NAA35: variants seen among roughly 807,000 people sequenced by gnomAD.
NAA35 encodes the protein N-alpha-acetyltransferase 35, NatC auxiliary subunit.
In NAA35, 18 loss-of-function variants were observed where a neutral mutation model predicts 101.7. The observed-to-expected ratio is 0.18, with a 90% CI of 0.12 to 0.26. NAA35 has a LOEUF of 0.26. NAA35 is among the 10% of genes least tolerant of loss of function. NAA35 has a pLI of 1.00. For missense variants in NAA35, 601 were observed against 886.8 expected (o/e 0.68, Z 4.09); for synonymous variants, 267 against 273.1 (o/e 0.98, Z 0.22).
At chr9:85,949,537 C>T (rs1439938008) in intron 2 of NAA35, among the ~76,000 whole-genome samples, 9 of 152,096 alleles carry the variant, frequency 5.9e-5, no homozygotes, top group Admixed American at 3.9e-4. Flanking sequence ...TTGTGATCCA[C>T]CCACCTCGGC....
At chr9:86,018,991 C>A (rs114734277) in intron 21 of NAA35, among the ~76,000 whole-genome samples, 170 bp downstream of exon 21, 144 of 152,258 alleles carry the variant, frequency 9.5e-4, no homozygotes, top group African/African-American at 3.3e-3. Flanking sequence ...CGTTGTCAGA[C>A]TTCAAGTTAT....
At chr9:85,966,660 G>A (rs961003756) in intron 6 of NAA35, 2 of 1,295,002 alleles carry the variant, frequency 1.5e-6, no homozygotes, top group Admixed American at 2.3e-5. Context: ...AATGTTCAAT[G>A]TTGGAAGGAA....
intron 17 of NAA35, among the ~76,000 whole-genome samples, chr9:86,015,051 A>G (rs1462093569): frequency 6.6e-6 from 1 of 152,142 alleles, no homozygotes; most frequent in Non-Finnish European, 1.5e-5. Context: ...GATGTGCACC[A>G]CTGCACCTGG....
At chr9:85,963,950 G>A (rs564845052) in intron 6 of NAA35, among the ~76,000 whole-genome samples, 7 of 152,154 alleles carry the variant, frequency 4.6e-5, no homozygotes, top group Non-Finnish European at 1.0e-4. Context: ...GCCTTTAAAT[G>A]TAAGGTGCTT....
At chr9:86,019,212 A>C (rs1193092474) in intron 21 of NAA35, among the ~76,000 whole-genome samples, 1 of 152,076 alleles carries the variant, frequency 6.6e-6, no homozygotes, top group South Asian at 2.1e-4. Flanking sequence ...TAATCTCAGC[A>C]CTTTGGGAGG....
chr9:85,960,773 G>A (rs1041707025), intron 5 of NAA35, among the ~76,000 whole-genome samples: 15 of 152,190 alleles, frequency 9.9e-5, no homozygotes, highest in Non-Finnish European at 1.9e-4. Flanking sequence ...ATGCTTTTAT[G>A]ACGGTGCCGT....
At chr9:85,976,173 T>G (rs1479383362) in intron 8 of NAA35, among the ~76,000 whole-genome samples, 1 of 152,218 alleles carries the variant, frequency 6.6e-6, no homozygotes, top group Non-Finnish European at 1.5e-5. Context: ...AACCCACAAC[T>G]TCTAGTAGAT....
chr9:86,021,437 C>A (rs978064832), intron 22 of NAA35, among the ~76,000 whole-genome samples: 1 of 152,160 alleles, frequency 6.6e-6, no homozygotes, highest in Non-Finnish European at 1.5e-5. Flanking sequence ...AGGCCAGCCG[C>A]GGAGGCACCG....
Position 85,959,978 on chromosome 9 carries a change from C to G in NAA35, c.348+111C>G, listed in dbSNP as rs902517931. 3.2e-5 allele frequency: 22 copies of G among 696,242 alleles called. No individual in the cohort carries two copies. In the African/African-American group the frequency reaches 3.6e-4, roughly 11 times the overall value. 43.1% of individuals were successfully genotyped at this position (696,242 alleles called of 1,614,324 possible). A position where few individuals can be genotyped will look rare whatever the true frequency, so the allele number is the denominator to read the frequency against. The stretch of plus-strand genomic sequence containing the variant: ...GAGTATGAAATAAATGTAATACTTG[C>G]CCTAGTAAAGATGTGCATAAGATTA... On this transcript the variant is annotated intron_variant, in intron 5 of 22. Coordinates refer to ENST00000361671, the MANE Select transcript of NAA35 (RefSeq NM_024635.4).
chr9:85,956,506 A>G, intron 3 of NAA35, 113 bp downstream of exon 3: 1 of 521,396 alleles, frequency 1.9e-6, no homozygotes, highest in South Asian at 3.9e-5. Context: ...CAAAATTGTG[A>G]AAATAAAACT....
At chr9:85,998,490 C>G (rs1342645262) in intron 12 of NAA35, among the ~76,000 whole-genome samples, 1 of 152,114 alleles carries the variant, frequency 6.6e-6, no homozygotes, top group Non-Finnish European at 1.5e-5. Context: ...TTGTATGCTT[C>G]CTTTCCCCTT....
rs1832026567 is a variant in NAA35, at chr9:86,013,062, T to C, written c.1307T>C (p.Ile436Thr). 4 of 1,584,166 alleles carry C rather than the reference T, an allele frequency of 2.5e-6. No individual in the cohort carries two copies. The highest frequency in any genetic ancestry group is 3.4e-6 in the Non-Finnish European group (4 of 1,160,024). ...GTATTGCAGCCATTCTGTAGTCTTATTCAGATCCATGGACATAACAGGGCT... is the reference window on the plus strand; with the variant it reads ...GTATTGCAGCCATTCTGTAGTCTTACTCAGATCCATGGACATAACAGGGCT... ...THCVRPFCSLIQIHGHNRARQ... is the reference protein window; with the variant it reads ...THCVRPFCSLTQIHGHNRARQ... Residue 436 changes from isoleucine to threonine, a missense_variant, in exon 16 of 23, where the codon ATT becomes ACT. Physicochemically the swap from Ile to Thr is moderately conservative, Grantham distance 89. Around this residue, in one of 8 missense-constraint regions of NAA35, gnomAD observed 99 missense variants for 206.7 expected, o/e 0.48. Coordinates refer to ENST00000361671, the MANE Select transcript of NAA35 (RefSeq NM_024635.4).
intron 12 of NAA35, 48 bp from the exon 13 acceptor site, chr9:86,003,537 T>G (rs747561488): frequency 8.6e-7 from 1 of 1,159,328 alleles, no homozygotes; most frequent in Non-Finnish European, 1.2e-6. Context: ...GTTTTTAGCT[T>G]TTATTTAATC....
Position 85,978,318 on chromosome 9 carries a change from C to T in NAA35, c.814C>T (p.Leu272Phe). The T allele has an allele frequency of 6.2e-7, 1 of 1,613,466 alleles. No homozygotes were observed. Among genetic ancestry groups the T allele is most frequent in the Non-Finnish European group, 8.5e-7 (1 of 1,179,540 alleles). The change falls in exon 11 of 23, where the codon CTT becomes TTT. Residue 272 changes from leucine to phenylalanine, a missense_variant. Coordinates refer to ENST00000361671, the MANE Select transcript of NAA35 (RefSeq NM_024635.4). ...QKLMVQAADL[L>F]SAIHNSLHHG... ...ATTGATGGTTCAAGCAGCAGATCTTCTTTCTGCCATTCATAATTCATTGCA... is the reference window on the plus strand; with the variant it reads ...ATTGATGGTTCAAGCAGCAGATCTTTTTTCTGCCATTCATAATTCATTGCA...
intron 6 of NAA35, among the ~76,000 whole-genome samples, chr9:85,962,507 A>AAAAAG (rs1333996610): frequency 1.3e-5 from 2 of 151,488 alleles, no homozygotes; most frequent in Non-Finnish European, 2.9e-5. Context: ...AAAAAAAAAA[A>AAAAAG]AAGAAAGAAA....
chr9:86,009,675 CAGAT>C (rs2118394861), intron 14 of NAA35, among the ~76,000 whole-genome samples, 186 bp from the exon 15 acceptor site: 1 of 152,244 alleles, frequency 6.6e-6, no homozygotes, highest in South Asian at 2.1e-4. Context: ...GGAAATATCA[CAGAT>C]TTATTGTGTG....
chr9:85,996,694 T>C (rs1196358957), intron 12 of NAA35, 117 bp downstream of exon 12: 18 of 711,274 alleles, frequency 2.5e-5, no homozygotes, highest in Non-Finnish European at 3.8e-5. Context: ...GATTGCTTTA[T>C]AGACATTGAC....
intron 6 of NAA35, among the ~76,000 whole-genome samples, chr9:85,965,507 A>G (rs530296640): frequency 6.6e-6 from 1 of 152,252 alleles, no homozygotes; most frequent in African/African-American, 2.4e-5. Context: ...GTGTGCCTGT[A>G]GTCTCAGCTA....
intron 10 of NAA35, among the ~76,000 whole-genome samples, chr9:85,977,664 A>C (rs1830270836): frequency 6.6e-6 from 1 of 152,198 alleles, no homozygotes; most frequent in Non-Finnish European, 1.5e-5. Context: ...AATACATTAG[A>C]AGCTGAAATT....
Sources: allele counts gnomAD v4.1 joint callset (sites outside exome capture counted in the v4.1 genomes callset), GRCh38; gene constraint gnomAD v4.1.1; regional missense constraint gnomAD v4.1.1; transcripts MANE v1.5; gene names NCBI Gene and HGNC (gene_info 2026-07-23, HGNC 2026-07-21).